SGPP2: variants seen among roughly 807,000 people sequenced by gnomAD.
SGPP2 encodes the protein sphingosine 1-phosphate phosphohydrolase 2.
Under a neutral mutation model 33.9 loss-of-function variants are expected in SGPP2, and 30 were observed. The ratio of observed to expected loss-of-function variants is 0.89; its 90% CI spans 0.66 to 1.20. The LOEUF (loss-of-function observed/expected upper bound fraction) is 1.20. Ranked by LOEUF, SGPP2 falls within the 50% of genes most tolerant of loss-of-function variation. The probability of loss-of-function intolerance (pLI) is 0.00; values close to 1 mark genes in which losing one functional copy is unlikely to be tolerated. For missense variants in SGPP2, 458 were observed against 532.1 expected (o/e 0.86, Z 1.37); for synonymous variants, 233 against 225.0 (o/e 1.04, Z -0.32).
At chr2:222,474,266 T>C (rs1236201977) in intron 1 of SGPP2, among the ~76,000 whole-genome samples, 1 of 152,244 alleles carries the variant, frequency 6.6e-6, no homozygotes, top group African/African-American at 2.4e-5. Flanking sequence ...GAATTGACTT[T>C]CTCCAGGTTT....
rs147456443 is a variant in SGPP2, at chr2:222,449,385, A to G, written c.219+24564A>G. Among the ~76,000 whole-genome samples the G allele has an allele frequency of 4.8e-4, 73 of 152,294 alleles. No homozygotes were observed. In the East Asian group the frequency reaches 0.013, roughly 27 times the overall value. ...AAAGCCCACCTGGGCCAGGTGAAAA[A>G]CAAAAATGGTCAGGTTTACAACTTT... is the stretch of plus-strand genomic sequence containing the variant. On this transcript the variant is annotated intron_variant, in intron 1 of 4. Transcript: ENST00000321276.
chr2:222,429,307 AGG>A (rs1697117630), intron 1 of SGPP2, among the ~76,000 whole-genome samples: 1 of 152,178 alleles, frequency 6.6e-6, no homozygotes, highest in Non-Finnish European at 1.5e-5. Flanking sequence ...ATTCAGTAGG[AGG>A]GTGGTGATGG....
intron 2 of SGPP2, among the ~76,000 whole-genome samples, chr2:222,500,021 A>T (rs1013976314): frequency 6.6e-6 from 1 of 152,184 alleles, no homozygotes; most frequent in Non-Finnish European, 1.5e-5. Context: ...AGAATTATGC[A>T]TTAAGGCCAA....
At chr2:222,449,774 T>A (rs1697455783) in intron 1 of SGPP2, among the ~76,000 whole-genome samples, 1 of 152,216 alleles carries the variant, frequency 6.6e-6, no homozygotes, top group African/African-American at 2.4e-5. Context: ...TTCTGGCAAC[T>A]AATTTTCTAA....
intron 1 of SGPP2, among the ~76,000 whole-genome samples, chr2:222,425,180 C>A (rs1697044170): frequency 6.6e-6 from 1 of 152,156 alleles, no homozygotes; most frequent in Non-Finnish European, 1.5e-5. Flanking sequence ...CCCGGGGAGA[C>A]GTTCTTAGAC....
chr2:222,560,714 G>A lies in SGPP2; in HGVS notation c.*1816G>A, dbSNP rs1435332130. 2 of 152,168 alleles carry A rather than the reference G, an allele frequency of 1.3e-5. No individual in the cohort carries two copies. The highest frequency in any genetic ancestry group is 1.9e-4 in the East Asian group (1 of 5,196). 9.4% of individuals were successfully genotyped at this position (152,168 alleles called of 1,614,324 possible). On this transcript the variant is annotated 3_prime_UTR_variant, in exon 5 of 5. Coordinates refer to ENST00000321276, the MANE Select transcript of SGPP2 (RefSeq NM_152386.4). ...CTTAAAAGTTACAGAGGCTCTTAAC[G>A]TGTTAAAACCGAAAAATCACATTTT...
rs372382955 is a variant in SGPP2, at chr2:222,514,245, A to G, written c.379-7522A>G. ...AAGCAGTATCACTATGAATGTGCCA[A>G]TGATGGTAGCTGGGACACAGATATG... On this transcript the variant is annotated intron_variant, in intron 2 of 4. Coordinates refer to ENST00000321276, the MANE Select transcript of SGPP2 (RefSeq NM_152386.4). Among the ~76,000 whole-genome samples, 46 of 152,384 alleles carry G rather than the reference A, an allele frequency of 3.0e-4. 1 individual carries two copies. The highest frequency in any genetic ancestry group is 9.4e-4 in the African/African-American group (39 of 41,592).
chr2:222,447,310 G>T (rs555705155), intron 1 of SGPP2, among the ~76,000 whole-genome samples: 3 of 152,284 alleles, frequency 2.0e-5, no homozygotes, highest in Non-Finnish European at 2.9e-5. Context: ...ACCCCTAATT[G>T]CAAATGAGGT....
intron 4 of SGPP2, among the ~76,000 whole-genome samples, chr2:222,549,392 G>A (rs948782072): frequency 2.6e-5 from 4 of 152,194 alleles, no homozygotes; most frequent in East Asian, 1.9e-4. Flanking sequence ...ATAAATGCTG[G>A]GAGTTTTCAG....
At chr2:222,473,235 G>T (rs1034507585) in intron 1 of SGPP2, among the ~76,000 whole-genome samples, 2 of 152,162 alleles carry the variant, frequency 1.3e-5, no homozygotes, top group Non-Finnish European at 2.9e-5. Context: ...AAGTGGATCT[G>T]ATTTAGCCAA....
At chr2:222,492,039 A>G (rs1012920888) in intron 2 of SGPP2, among the ~76,000 whole-genome samples, 1 of 152,190 alleles carries the variant, frequency 6.6e-6, no homozygotes, top group African/African-American at 2.4e-5. Context: ...CATGTCTCAC[A>G]TTCGTAAGAG....
chr2:222,515,979 C>T (rs983269193), intron 2 of SGPP2, among the ~76,000 whole-genome samples: 2 of 152,100 alleles, frequency 1.3e-5, no homozygotes, highest in Non-Finnish European at 2.9e-5. Flanking sequence ...ACCTGGGAGG[C>T]GGAGGTTGCA....
chr2:222,443,208 C>A (rs1697352212), intron 1 of SGPP2, among the ~76,000 whole-genome samples: 1 of 152,012 alleles, frequency 6.6e-6, no homozygotes, highest in Non-Finnish European at 1.5e-5. Context: ...TTAATTTCAG[C>A]TTTATTTTAC....
chr2:222,519,231 C>A (rs1698648784), intron 2 of SGPP2, among the ~76,000 whole-genome samples: 1 of 152,184 alleles, frequency 6.6e-6, no homozygotes, highest in African/African-American at 2.4e-5. Context: ...TTAAATTCCC[C>A]TGTGCACATG....
intron 2 of SGPP2, among the ~76,000 whole-genome samples, chr2:222,506,722 C>T (rs1027556660): frequency 2.0e-5 from 3 of 152,132 alleles, no homozygotes; most frequent in African/African-American, 4.8e-5. Context: ...CACTGGTACT[C>T]ACAACCCTCA....
chr2:222,481,802 A>C (rs994833462), intron 2 of SGPP2, among the ~76,000 whole-genome samples: 4 of 152,138 alleles, frequency 2.6e-5, no homozygotes, highest in Admixed American at 2.0e-4. Flanking sequence ...AGTAAAGTTA[A>C]AATTTGTTTC....
intron 2 of SGPP2, among the ~76,000 whole-genome samples, chr2:222,518,929 A>C (rs983861715): frequency 2.0e-5 from 3 of 152,232 alleles, no homozygotes; most frequent in African/African-American, 7.2e-5. Context: ...CACGGAATTA[A>C]CCGGCAACTC....
chr2:222,435,388 TC>T (rs1032000882), intron 1 of SGPP2, among the ~76,000 whole-genome samples: 36 of 152,228 alleles, frequency 2.4e-4, no homozygotes, highest in African/African-American at 7.9e-4. Context: ...CAAATGTTAA[TC>T]TCCTTTGGCA....
intron 1 of SGPP2, among the ~76,000 whole-genome samples, chr2:222,443,626 G>A (rs1226937889): frequency 6.6e-6 from 1 of 152,156 alleles, no homozygotes; most frequent in Non-Finnish European, 1.5e-5. Flanking sequence ...TCTGTGTTGT[G>A]CCAAGAGTAG....
Sources: gnomAD v4.1 joint callset for allele counts (sites outside exome capture counted in the v4.1 genomes callset) on GRCh38, gnomAD v4.1.1 for gene constraint, MANE v1.5 for transcripts, NCBI Gene and HGNC (gene_info 2026-07-23, HGNC 2026-07-21) for gene names.